The following CFAP77 variants were observed in gnomAD, a reference collection of about 807,000 sequenced individuals.
CFAP77 encodes cilia and flagella associated protein 77, also known as cilia- and flagella-associated protein 77.
A neutral mutation model predicts 31.1 loss-of-function variants in CFAP77; 25 were observed. The observed-to-expected ratio is 0.80, with a 90% CI of 0.59 to 1.12. CFAP77 has a LOEUF of 1.12. CFAP77 is among the 50% of genes most tolerant of loss of function. CFAP77 has a pLI of 0.00. For synonymous variants in CFAP77, 151 were observed against 159.9 expected (o/e 0.94, Z 0.42); for missense variants, 377 against 397.3 (o/e 0.95, Z 0.44).
At chr9:132,476,857 C>A (rs1851353927) in intron 1 of CFAP77, among the ~76,000 whole-genome samples, 1 of 152,204 alleles carries the variant, frequency 6.6e-6, no homozygotes, top group African/African-American at 2.4e-5. Context: ...CTAACACCTT[C>A]ATTTCAGACT....
At chr9:132,514,988 G>T (rs1297173092) in intron 3 of CFAP77, among the ~76,000 whole-genome samples, 1 of 152,144 alleles carries the variant, frequency 6.6e-6, no homozygotes, top group African/African-American at 2.4e-5. Flanking sequence ...TCTCTGCTGG[G>T]AGGACAGAAG....
chr9:132,412,319 C>T (rs1188539308), intron 1 of CFAP77, among the ~76,000 whole-genome samples: 2 of 152,244 alleles, frequency 1.3e-5, no homozygotes, highest in African/African-American at 4.8e-5. Flanking sequence ...TCTCTTCTTC[C>T]ACCAGGGACA....
intron 3 of CFAP77, among the ~76,000 whole-genome samples, chr9:132,522,162 G>A (rs1852280398): frequency 6.6e-6 from 1 of 152,196 alleles, no homozygotes; most frequent in African/African-American, 2.4e-5. Flanking sequence ...CGGTGTCTGG[G>A]AAAGTCTGGG....
At position 132,565,449 on chromosome 9, in the gene CFAP77, G is replaced by T. The variant is rs1026948627; in HGVS notation, c.733-6939G>T. The stretch of plus-strand genomic sequence containing the variant: ...GTTCCAGAGCAGCCTGGCTAACATG[G>T]TAAAACCCCGTCTCTACTAAAAATA... On this transcript the variant is annotated intron_variant, in intron 5 of 5. Coordinates refer to ENST00000393216, the MANE Select transcript of CFAP77 (RefSeq NM_001282957.2). The surrounding 1 kb of genome is among the most constrained non-coding windows in gnomAD (Gnocchi z 4.1). Among the ~76,000 whole-genome samples, 4 of 152,072 alleles carry T rather than the reference G, an allele frequency of 2.6e-5. No individual in the cohort carries two copies. In the South Asian group the frequency reaches 6.2e-4, roughly 24 times the overall value.
At position 132,552,288 on chromosome 9, in the gene CFAP77, G is replaced by A. The variant is rs188278376; in HGVS notation, c.732+9241G>A. 2.9e-4 allele frequency among the ~76,000 whole-genome samples: 44 copies of A among 152,352 alleles called. 1 individual carries two copies. The South Asian group carries it at 5.0e-3, about 17-fold the overall frequency. On this transcript the variant is annotated intron_variant, in intron 5 of 5. Transcript: ENST00000393216. This position sits in a 1 kb window ranked among gnomAD's most constrained non-coding sequence, Gnocchi z 5.5. ...CGTGGCACAGGCCTGGCTAGGGGAC[G>A]GTCATGGAGCAACAAAGCCTCTGGG...
Position 132,514,046 on chromosome 9 carries a change from TCCCCCC to T in CFAP77, c.524+14447_524+14452del, listed in dbSNP as rs1564235641. Among the ~76,000 whole-genome samples, 362 of 121,836 alleles carry T rather than the reference TCCCCCC, an allele frequency of 3.0e-3. 19 individuals are homozygous for T. Among genetic ancestry groups the T allele is most frequent in the African/African-American group, 8.5e-3 (286 of 33,798 alleles). 79.9% of individuals were successfully genotyped at this position (121,836 alleles called of 152,430 possible). On this transcript the variant is annotated intron_variant, in intron 3 of 5. Coordinates refer to ENST00000393216, the MANE Select transcript of CFAP77 (RefSeq NM_001282957.2). ...CTGAACACGGGTGACAGTGAGGAGA[TCCCCCC>T]GTCTTGTGTCCCTGACCACAGGTGA...
intron 5 of CFAP77, among the ~76,000 whole-genome samples, chr9:132,559,411 T>C: frequency 1.1e-5 from 1 of 93,916 alleles, no homozygotes; most frequent in East Asian, 2.8e-4. Context: ...GATAAACAAA[T>C]AAACACATGA....
At chr9:132,542,518 C>A (rs956087121) in intron 4 of CFAP77, among the ~76,000 whole-genome samples, 1 of 152,212 alleles carries the variant, frequency 6.6e-6, no homozygotes, top group Non-Finnish European at 1.5e-5. Flanking sequence ...CACGAGCAGG[C>A]CATGGAGGAC....
chr9:132,435,701 C>G (rs1260030045), intron 1 of CFAP77, among the ~76,000 whole-genome samples: 1 of 152,126 alleles, frequency 6.6e-6, no homozygotes, highest in Non-Finnish European at 1.5e-5. Context: ...TTGGCACTGC[C>G]AAGATAGCAG....
chr9:132,543,656 C>G (rs1188019686), intron 5 of CFAP77, among the ~76,000 whole-genome samples: 1 of 152,200 alleles, frequency 6.6e-6, no homozygotes, highest in African/African-American at 2.4e-5. Context: ...GCATGAACTT[C>G]CCACAGAGTG....
chr9:132,417,853 G>GA (rs1850132296), intron 1 of CFAP77, among the ~76,000 whole-genome samples: 1 of 151,528 alleles, frequency 6.6e-6, no homozygotes, highest in South Asian at 2.1e-4. Context: ...AAGAAACAGA[G>GA]AATGAGACAA....
chr9:132,488,623 G>A (rs1851602980), intron 1 of CFAP77, among the ~76,000 whole-genome samples: 2 of 152,232 alleles, frequency 1.3e-5, no homozygotes, highest in South Asian at 4.1e-4. Flanking sequence ...TGGGTCCCAG[G>A]TAGCTTCGGA....
At chr9:132,464,761 ATCAC>A (rs1485184031) in intron 1 of CFAP77, among the ~76,000 whole-genome samples, 1 of 152,182 alleles carries the variant, frequency 6.6e-6, no homozygotes, top group Non-Finnish European at 1.5e-5. Context: ...ATCCAAGAGC[ATCAC>A]TCAGGAGAAA....
chr9:132,559,228 C>G (rs1449046258), intron 5 of CFAP77, among the ~76,000 whole-genome samples: 1 of 150,794 alleles, frequency 6.6e-6, no homozygotes, highest in Non-Finnish European at 1.5e-5. Flanking sequence ...ATCTGTAGTC[C>G]CAGCTACTCG....
In CFAP77 at chr9:132,498,045, G is replaced by A. The variant is rs1851774190; in HGVS notation, c.196-650G>A. Among the ~76,000 whole-genome samples the A allele has an allele frequency of 6.6e-6, 1 of 152,060 alleles. No individual in the cohort carries two copies. The highest frequency in any genetic ancestry group is 6.5e-5 in the Admixed American group (1 of 15,268). On this transcript the variant is annotated intron_variant, in intron 1 of 5. Transcript: ENST00000393216. The surrounding 1 kb of genome is among the most constrained non-coding windows in gnomAD (Gnocchi z 4.2). ...TATAAATGGGTGGTGGCGGCAGGGT[G>A]GGGGCGGCTAATGTGGTTGATGACA...
At chr9:132,514,684 A>G (rs1296630543) in intron 3 of CFAP77, among the ~76,000 whole-genome samples, 1 of 152,210 alleles carries the variant, frequency 6.6e-6, no homozygotes, top group Non-Finnish European at 1.5e-5. Flanking sequence ...CCTCTCATTC[A>G]GATTTAGAAG....
intron 5 of CFAP77, among the ~76,000 whole-genome samples, chr9:132,561,662 C>CA (rs1564253362): frequency 0.032 from 1,587 of 50,142 alleles, 57 homozygotes; most frequent in African/African-American, 0.072. Context: ...CACACACACA[C>CA]CCCCTCCATG....
rs747344153 is a variant in CFAP77, at chr9:132,498,424, A to G, written c.196-271A>G. 1.3e-5 allele frequency among the ~76,000 whole-genome samples: 2 copies of G among 152,036 alleles called. No individual in the cohort carries two copies. Among genetic ancestry groups the G allele is most frequent in the Admixed American group, 6.5e-5 (1 of 15,276 alleles). ...CGGGGACTGTGCTCCCCACTCCAAC[A>G]ATACACATGTACCGAGAGGCCCCCC... is the stretch of plus-strand genomic sequence containing the variant. On this transcript the variant is annotated intron_variant, in intron 1 of 5. Transcript: ENST00000393216. The surrounding 1 kb of genome is among the most constrained non-coding windows in gnomAD (Gnocchi z 4.2).
intron 1 of CFAP77, among the ~76,000 whole-genome samples, chr9:132,432,458 G>A (rs1246057999): frequency 6.6e-6 from 1 of 151,896 alleles, no homozygotes. Flanking sequence ...CAGGTCTGCA[G>A]TTTACCCCTC....
Sources: gnomAD v4.1 joint callset for allele counts (sites outside exome capture counted in the v4.1 genomes callset) on GRCh38, gnomAD v4.1.1 for gene constraint, Gnocchi (gnomAD v3.1) non-coding constraint, MANE v1.5 for transcripts, NCBI Gene and HGNC (gene_info 2026-07-23, HGNC 2026-07-21) for gene names.